INSC: variants seen among roughly 807,000 people sequenced by gnomAD.
INSC encodes the protein protein inscuteable homolog.
INSC carries 67 observed loss-of-function variants against 58.6 expected under a neutral mutation model. The ratio of observed to expected loss-of-function variants is 1.14; its 90% CI spans 0.94 to 1.40. INSC has a LOEUF of 1.40. INSC is among the 40% of genes most tolerant of loss of function. The probability of loss-of-function intolerance (pLI) is 0.00; values close to 1 mark genes in which losing one functional copy is unlikely to be tolerated. For synonymous variants in INSC, 262 were observed against 276.1 expected (o/e 0.95, Z 0.51); for missense variants, 714 against 692.0 (o/e 1.03, Z -0.36).
intron 12 of INSC, among the ~76,000 whole-genome samples, chr11:15,242,502 C>G (rs981653324): frequency 7.2e-5 from 11 of 152,072 alleles, no homozygotes; most frequent in African/African-American, 2.7e-4. Context: ...TCTGTGGTTC[C>G]TCATTATCTC....
At chr11:15,136,472 G>A (rs1000194088) in intron 1 of INSC, among the ~76,000 whole-genome samples, 3 of 152,026 alleles carry the variant, frequency 2.0e-5, no homozygotes, top group Admixed American at 6.6e-5. Context: ...GGTGGTATGC[G>A]GTGTTTGATA....
intron 7 of INSC, among the ~76,000 whole-genome samples, chr11:15,221,203 G>A (rs778443622): frequency 4.6e-5 from 7 of 151,996 alleles, no homozygotes; most frequent in Non-Finnish European, 7.4e-5. Flanking sequence ...CCTGACTCTA[G>A]ACACTTGACT....
At chr11:15,245,792 C>A in intron 12 of INSC, 120 bp from the exon 13 acceptor site, 1 of 1,357,318 alleles carries the variant, frequency 7.4e-7, no homozygotes, top group Non-Finnish European at 1.0e-6. Context: ...TGATGATCAA[C>A]CCAAATTGTC....
chr11:15,116,843 TTCTTTCTCTCTCTC>T (rs1847717443), intron 1 of INSC, among the ~76,000 whole-genome samples: 1 of 46,794 alleles, frequency 2.1e-5, no homozygotes, highest in African/African-American at 1.4e-4. Context: ...CTTTCTTTCT[TTCTTTCTCTCTCTC>T]TCTCTCTCTC....
intron 2 of INSC, among the ~76,000 whole-genome samples, chr11:15,173,779 A>G (rs1470357739): frequency 1.3e-5 from 2 of 152,212 alleles, no homozygotes; most frequent in Non-Finnish European, 2.9e-5. Flanking sequence ...CATATGTTCA[A>G]TTTCATAATT....
rs1220192567 is a variant in INSC at position 15,236,075 on chromosome 11, AAAAT to A, written c.1237+409_1237+412del. 1.6e-3 allele frequency among the ~76,000 whole-genome samples: 237 copies of A among 148,632 alleles called. 2 individuals are homozygous for A. The highest frequency in any genetic ancestry group is 5.6e-3 in the African/African-American group (217 of 39,042). ...TGTCTCAAAAAAAAAAAAAAAAAAAAAAATAGGTACACGTGTCTCCATGCTTGCC... is the reference window on the plus strand; with the variant it reads ...TGTCTCAAAAAAAAAAAAAAAAAAAAAGGTACACGTGTCTCCATGCTTGCC... On this transcript the variant is annotated intron_variant, in intron 10 of 12. Coordinates refer to ENST00000379556, the MANE Select transcript of INSC (RefSeq NM_001042536.3).
chr11:15,233,127 C>T (rs772858987), intron 9 of INSC, among the ~76,000 whole-genome samples: 31 of 152,308 alleles, frequency 2.0e-4, no homozygotes, highest in South Asian at 2.1e-4. Flanking sequence ...TTGAGCTACA[C>T]GCTTAGCTAT....
rs1283336885 is a variant in INSC, at chr11:15,116,805, TTTTCTTTCTTTC to T, written c.-46+1836_-46+1847del. On this transcript the variant is annotated intron_variant, in intron 1 of 12. Coordinates refer to ENST00000379556, the MANE Select transcript of INSC (RefSeq NM_001042536.3). ...TCCTTCCTTTCTTTTCTTTTCTTTC[TTTTCTTTCTTTC>T]TTTCTTTCTTTCTTTCTTTCTTTCT... is the stretch of plus-strand genomic sequence containing the variant. Among the ~76,000 whole-genome samples the T allele has an allele frequency of 3.0e-4, 6 of 19,980 alleles. No individual in the cohort carries two copies. The East Asian group carries it at 9.0e-3, about 30-fold the overall frequency. 13.1% of individuals were successfully genotyped at this position (19,980 alleles called of 152,430 possible).
At chr11:15,185,765 G>C (rs1211255916) in intron 5 of INSC, among the ~76,000 whole-genome samples, 4 of 152,090 alleles carry the variant, frequency 2.6e-5, no homozygotes, top group Non-Finnish European at 4.4e-5. Context: ...AGAATCTATT[G>C]AATACATTTG....
At chr11:15,123,461 T>G (rs751257009) in intron 1 of INSC, among the ~76,000 whole-genome samples, 3 of 152,164 alleles carry the variant, frequency 2.0e-5, no homozygotes, top group Non-Finnish European at 4.4e-5. Flanking sequence ...AGTAACCAGA[T>G]AGATGATGGA....
chr11:15,248,621 C>G (rs1435541525), downstream of INSC, among the ~76,000 whole-genome samples: 3 of 152,316 alleles, frequency 2.0e-5, no homozygotes, highest in East Asian at 5.8e-4. Context: ...CTTTTGCATT[C>G]AGGGTCAAAG....
intron 1 of INSC, among the ~76,000 whole-genome samples, chr11:15,139,111 G>T (rs77800999): frequency 0.013 from 1,961 of 152,200 alleles, 22 homozygotes; most frequent in South Asian, 0.05. Context: ...TTTTCCCAAG[G>T]GTATAAAGAC....
At chr11:15,268,068 G>C in the INSC span, among the ~76,000 whole-genome samples, 1 of 151,946 alleles carries the variant, frequency 6.6e-6, no homozygotes, top group Non-Finnish European at 1.5e-5. Flanking sequence ...TCCTTGCACT[G>C]TAGCCTGGAA....
chr11:15,253,559 C>T, the INSC span, among the ~76,000 whole-genome samples: 2 of 150,766 alleles, frequency 1.3e-5, no homozygotes. Context: ...ACTTTATTAA[C>T]AAGCAAAAGA....
At chr11:15,116,492 C>T (rs1847698440) in intron 1 of INSC, among the ~76,000 whole-genome samples, 1 of 152,148 alleles carries the variant, frequency 6.6e-6, no homozygotes, top group Non-Finnish European at 1.5e-5. Flanking sequence ...TTCTCCATGA[C>T]CTCCTCCCCC....
intron 1 of INSC, among the ~76,000 whole-genome samples, chr11:15,131,013 T>C (rs1173065955): frequency 6.6e-6 from 1 of 152,102 alleles, no homozygotes; most frequent in African/African-American, 2.4e-5. Flanking sequence ...TGTGTTTTAT[T>C]TAATGTTTGT....
chr11:15,223,583 G>C (rs924247591), intron 8 of INSC, among the ~76,000 whole-genome samples: 24 of 152,216 alleles, frequency 1.6e-4, no homozygotes, highest in Admixed American at 1.6e-3. Flanking sequence ...TTAGGTGGTT[G>C]TGTTAATAAT....
chr11:15,204,089 G>C (rs1287588186), intron 7 of INSC, among the ~76,000 whole-genome samples: 2 of 152,188 alleles, frequency 1.3e-5, no homozygotes, highest in South Asian at 4.1e-4. Context: ...GTTCTAGCAG[G>C]TAAGGAAGAT....
rs567488225 is a variant in INSC, at chr11:15,129,675, G to A, written c.-46+14672G>A. ...TGACCTCTCTTCTAAATTTTACTCT[G>A]TTTATGCTGGTATCTAGAACTATAC... On this transcript the variant is annotated intron_variant, in intron 1 of 12. Coordinates refer to ENST00000379556, the MANE Select transcript of INSC (RefSeq NM_001042536.3). Among the ~76,000 whole-genome samples, 19 of 152,158 alleles carry A rather than the reference G, an allele frequency of 1.2e-4. No individual in the cohort carries two copies. In the South Asian group the frequency reaches 4.0e-3, roughly 32 times the overall value.
Sources: allele counts gnomAD v4.1 joint callset (sites outside exome capture counted in the v4.1 genomes callset), GRCh38; gene constraint gnomAD v4.1.1; transcripts MANE v1.5; gene names NCBI Gene and HGNC (gene_info 2026-07-23, HGNC 2026-07-21).